Variants in PTPA observed in about 807,000 individuals in gnomAD.
PTPA encodes the protein protein phosphatase 2 phosphatase activator.
PTPA carries 13 observed loss-of-function variants against 43.6 expected under a neutral mutation model. That is an observed-to-expected ratio of 0.30 (90% CI 0.19 to 0.47). PTPA has a LOEUF of 0.47. Ranked by LOEUF, PTPA falls within the 20% of genes least tolerant of loss-of-function variation. The probability of loss-of-function intolerance (pLI) is 0.99; values close to 1 mark genes in which losing one functional copy is unlikely to be tolerated. For synonymous variants in PTPA, 172 were observed against 158.2 expected, an observed-to-expected ratio of 1.09 and a Z score of -0.66; for missense variants, 329 against 411.9, an observed-to-expected ratio of 0.80 and a Z score of 1.74.
At chr9:129,145,014 C>T (rs911294713) in intron 9 of PTPA, among the ~76,000 whole-genome samples, 1 of 151,932 alleles carries the variant, frequency 6.6e-6, no homozygotes, top group Non-Finnish European at 1.5e-5. Flanking sequence ...GCCTGGGCAA[C>T]AGTGTGAGAC....
At chr9:129,134,947 T>A in intron 6 of PTPA, 53 bp downstream of exon 6, 2 of 1,467,634 alleles carry the variant, frequency 1.4e-6, no homozygotes, top group Non-Finnish European at 1.9e-6. Flanking sequence ...GCCATCTGTT[T>A]CCTCCTCAAA....
At chr9:129,134,951 C>T in intron 6 of PTPA, 57 bp downstream of exon 6, 3 of 1,452,210 alleles carry the variant, frequency 2.1e-6, no homozygotes, top group East Asian at 2.3e-5. Flanking sequence ...TCTGTTTCCT[C>T]CTCAAACTGG....
At chr9:129,131,428 G>A in intron 4 of PTPA, 94 bp from the exon 5 acceptor site, 1 of 1,087,288 alleles carries the variant, frequency 9.2e-7, no homozygotes, top group Non-Finnish European at 1.4e-6. Context: ...TGGCAAGGCA[G>A]TGTGGGCCCC....
At chr9:129,129,198 G>T in intron 4 of PTPA, 88 bp downstream of exon 4, 1 of 1,490,724 alleles carries the variant, frequency 6.7e-7, no homozygotes, top group Non-Finnish European at 9.1e-7. Flanking sequence ...ATTGTATAGC[G>T]CTTCTAGGCA....
intron 8 of PTPA, among the ~76,000 whole-genome samples, chr9:129,141,314 GCTTAT>G (rs1327844765): frequency 6.6e-6 from 1 of 152,048 alleles, no homozygotes. Flanking sequence ...AGCGTTTCTG[GCTTAT>G]CTTTTCTCCT....
chr9:129,135,191 G>A (rs976758018), intron 6 of PTPA, among the ~76,000 whole-genome samples: 8 of 152,152 alleles, frequency 5.3e-5, no homozygotes, highest in Admixed American at 3.9e-4. Flanking sequence ...TCAGGTGTTC[G>A]ACACCAGCCT....
chr9:129,111,259 C>T (rs1262658146), upstream of PTPA: 4 of 1,171,190 alleles, frequency 3.4e-6, no homozygotes, highest in Non-Finnish European at 4.3e-6. Flanking sequence ...GTGGCAGTCG[C>T]GGCGCCCGAC....
chr9:129,140,621 C>T (rs35176873), intron 8 of PTPA, among the ~76,000 whole-genome samples: 261 of 152,320 alleles, frequency 1.7e-3, no homozygotes, highest in Middle Eastern at 0.01. Flanking sequence ...GAGCCCTTGC[C>T]GGGCAGGCCC....
At position 129,143,882 on chromosome 9, in the gene PTPA, G is replaced by T. The variant is rs372388149; in HGVS notation, c.894+1330G>T. Among the ~76,000 whole-genome samples the T allele has an allele frequency of 6.1e-4, 93 of 152,008 alleles. 1 individual carries two copies. In the South Asian group the frequency reaches 0.019, roughly 32 times the overall value. ...CCACCCCCGCCTGTCCCACAGTGGG[G>T]GCTGCTGGGGAACTCTCACTCTGCT... On this transcript the variant is annotated intron_variant, in intron 9 of 9. Transcript: ENST00000393370.
chr9:129,142,181 G>C, intron 8 of PTPA: 2 of 384,348 alleles, frequency 5.2e-6, no homozygotes, highest in East Asian at 7.8e-5. Flanking sequence ...ACTGCGGGTA[G>C]GTGGGCAAGG....
intron 9 of PTPA, among the ~76,000 whole-genome samples, chr9:129,144,504 C>CGAGGTG (rs928153939): frequency 1.3e-5 from 2 of 150,664 alleles, no homozygotes; most frequent in Non-Finnish European, 3.0e-5. Context: ...TTTGGGAGGC[C>CGAGGTG]GAGGTGGGCG....
intron 1 of PTPA, among the ~76,000 whole-genome samples, chr9:129,113,661 T>C (rs185571500): frequency 6.8e-4 from 103 of 151,920 alleles, no homozygotes; most frequent in Non-Finnish European, 1.0e-3. Context: ...TCGCAGCTAC[T>C]CGGGAGGCTG....
chr9:129,122,702 G>A (rs558603857), intron 2 of PTPA, among the ~76,000 whole-genome samples: 1 of 152,300 alleles, frequency 6.6e-6, no homozygotes, highest in African/African-American at 2.4e-5. Context: ...GAGACCTTGG[G>A]CGGATCACTT....
In PTPA at chr9:129,113,212, GCCT is replaced by G. The variant is rs1207138119; in HGVS notation, c.31+1585_31+1587del. 3.3e-5 allele frequency among the ~76,000 whole-genome samples: 5 copies of G among 151,976 alleles called. No homozygotes were observed. In the East Asian group the frequency reaches 9.8e-4, roughly 30 times the overall value. ...GGGTTCAAGCGATTCTCCTGCCTCA[GCCT>G]CCTGAGTAGCTGGGACTACAGGTGC... On this transcript the variant is annotated intron_variant, in intron 1 of 9. Coordinates refer to ENST00000393370, the MANE Select transcript of PTPA (RefSeq NM_178000.3).
At chr9:129,126,470 G>A (rs1033035894) in intron 3 of PTPA, among the ~76,000 whole-genome samples, 2 of 152,040 alleles carry the variant, frequency 1.3e-5, no homozygotes, top group Admixed American at 1.3e-4. Flanking sequence ...GTGAGCCACT[G>A]TGCCTGGCCA....
chr9:129,120,744 G>A, intron 2 of PTPA, 134 bp downstream of exon 2: 1 of 713,496 alleles, frequency 1.4e-6, no homozygotes, highest in Non-Finnish European at 2.3e-6. Context: ...AAAGGTGACA[G>A]GGGAGCTGGC....
chr9:129,139,389 CAG>C (rs760891809), intron 8 of PTPA: 15 of 152,360 alleles, frequency 9.8e-5, no homozygotes, highest in Non-Finnish European at 2.1e-4. Flanking sequence ...GCAGAAGGAA[CAG>C]GGAGGGGAGG....
Position 129,126,022 on chromosome 9 carries a change from C to T in PTPA, c.216+2884C>T, listed in dbSNP as rs138930041. 6.5e-3 allele frequency among the ~76,000 whole-genome samples: 995 copies of T among 151,940 alleles called. 4 individuals carry two copies. Among genetic ancestry groups the T allele is most frequent in the Non-Finnish European group, 0.01 (687 of 67,924 alleles). Reference sequence around the variant, plus strand: ...AGTTAGCTGGGCGTGGCGGCAGGCACCTGTAGTCCCAGCTACTTCGGAGGT... The same window carrying T: ...AGTTAGCTGGGCGTGGCGGCAGGCATCTGTAGTCCCAGCTACTTCGGAGGT... On this transcript the variant is annotated intron_variant, in intron 3 of 9. Coordinates refer to ENST00000393370, the MANE Select transcript of PTPA (RefSeq NM_178000.3).
At chr9:129,142,861 A>T in intron 9 of PTPA, 1 of 1,525,420 alleles carries the variant, frequency 6.6e-7, no homozygotes, top group Non-Finnish European at 8.8e-7. Flanking sequence ...CTTCTCCTTT[A>T]TCAAGTGGCC....
Sources: gnomAD v4.1 joint callset for allele counts (sites outside exome capture counted in the v4.1 genomes callset) on GRCh38, gnomAD v4.1.1 for gene constraint, MANE v1.5 for transcripts, NCBI Gene and HGNC (gene_info 2026-07-23, HGNC 2026-07-21) for gene names.